The following MAD1L1 variants were observed in gnomAD, a reference collection of about 807,000 sequenced individuals.
MAD1L1 encodes the protein mitotic spindle assembly checkpoint protein MAD1.
Under a neutral mutation model 96.9 loss-of-function variants are expected in MAD1L1, and 95 were observed. The ratio of observed to expected loss-of-function variants is 0.98; its 90% confidence interval spans 0.83 to 1.16. MAD1L1 has a LOEUF of 1.16. MAD1L1 is among the 50% of genes most tolerant of loss of function. The probability of loss-of-function intolerance (pLI) is 0.00; values close to 1 mark genes in which losing one functional copy is unlikely to be tolerated. For missense variants in MAD1L1, 1,007 were observed against 954.4 expected (o/e 1.06, Z -0.73); for synonymous variants, 473 against 396.6 (o/e 1.19, Z -2.29).
At chr7:1,971,715 C>T (rs1315585423) in intron 15 of MAD1L1, among the ~76,000 whole-genome samples, 1 of 152,046 alleles carries the variant, frequency 6.6e-6, no homozygotes, top group East Asian at 1.9e-4. Context: ...GGCACAGCAT[C>T]AAATAGCCTT....
At chr7:1,942,528 G>A (rs1779049502) in intron 16 of MAD1L1, among the ~76,000 whole-genome samples, 1 of 152,198 alleles carries the variant, frequency 6.6e-6, no homozygotes, top group Non-Finnish European at 1.5e-5. Flanking sequence ...CCGAGTGTCG[G>A]GATGGGAGGA....
intron 12 of MAD1L1, among the ~76,000 whole-genome samples, chr7:2,037,402 AC>A (rs1783488480): frequency 6.6e-6 from 1 of 152,204 alleles, no homozygotes; most frequent in South Asian, 2.1e-4. Flanking sequence ...TGTGCTTCTT[AC>A]AAATGGAAGG....
chr7:2,149,535 G>A (rs1789468003), intron 10 of MAD1L1, among the ~76,000 whole-genome samples: 2 of 152,192 alleles, frequency 1.3e-5, no homozygotes, highest in Admixed American at 1.3e-4. Context: ...ACGAAATCAT[G>A]TTTAAAAAGC....
At chr7:2,060,666 C>T (rs1486840795) in intron 12 of MAD1L1, among the ~76,000 whole-genome samples, 3 of 152,208 alleles carry the variant, frequency 2.0e-5, no homozygotes, top group Admixed American at 6.5e-5. Context: ...CTGAAGTGGA[C>T]GGCCACGAGG....
chr7:1,818,401 T>TA (rs1781940253), intron 18 of MAD1L1, among the ~76,000 whole-genome samples: 3 of 151,742 alleles, frequency 2.0e-5, no homozygotes, highest in Admixed American at 1.3e-4. Context: ...TATTTTTTTT[T>TA]AGAGACGAGT....
intron 12 of MAD1L1, among the ~76,000 whole-genome samples, chr7:2,045,815 C>A (rs1450790108): frequency 6.6e-6 from 1 of 152,174 alleles, no homozygotes; most frequent in Non-Finnish European, 1.5e-5. Context: ...CTTCAGGGCC[C>A]GTCCCAGGCC....
At chr7:2,211,806 A>C (rs1334092705) in intron 10 of MAD1L1, among the ~76,000 whole-genome samples, 1 of 152,242 alleles carries the variant, frequency 6.6e-6, no homozygotes, top group African/African-American at 2.4e-5. Flanking sequence ...TGAGAAGGTA[A>C]TGGATTCCAG....
At chr7:2,025,266 G>A (rs912867803) in intron 12 of MAD1L1, among the ~76,000 whole-genome samples, 2 of 152,148 alleles carry the variant, frequency 1.3e-5, no homozygotes, top group Non-Finnish European at 2.9e-5. Flanking sequence ...GCCAAAAAGA[G>A]AACAATCAAA....
intron 18 of MAD1L1, chr7:1,817,648 G>T (rs1562420958): frequency 6.6e-6 from 1 of 152,266 alleles, no homozygotes; most frequent in Non-Finnish European, 1.5e-5. Flanking sequence ...GCTGCGCACT[G>T]AATGTGCCGG....
intron 13 of MAD1L1, 120 bp downstream of exon 13, chr7:2,014,382 G>A (rs922145441): frequency 6.8e-6 from 9 of 1,329,694 alleles, no homozygotes; most frequent in Non-Finnish European, 9.0e-6. Context: ...ACAGACACCT[G>A]CCAGCCGGGA....
chr7:2,066,864 A>G (rs1784898796), intron 12 of MAD1L1, among the ~76,000 whole-genome samples: 1 of 152,254 alleles, frequency 6.6e-6, no homozygotes, highest in African/African-American at 2.4e-5. Context: ...AAGAACACTC[A>G]GGCCCACACG....
chr7:1,840,844 GC>G (rs1783213368), intron 18 of MAD1L1, among the ~76,000 whole-genome samples: 1 of 152,226 alleles, frequency 6.6e-6, no homozygotes, highest in Non-Finnish European at 1.5e-5. Context: ...GCCTCCCTCT[GC>G]CCAATGTCAC....
At chr7:1,996,770 T>C (rs939222127) in intron 14 of MAD1L1, among the ~76,000 whole-genome samples, 3 of 152,184 alleles carry the variant, frequency 2.0e-5, no homozygotes, top group African/African-American at 7.2e-5. Context: ...AAGATGCTGC[T>C]TAATCAGAGC....
chr7:1,965,006 C>G (rs780914615), intron 15 of MAD1L1, among the ~76,000 whole-genome samples: 3 of 152,224 alleles, frequency 2.0e-5, no homozygotes, highest in Non-Finnish European at 4.4e-5. Flanking sequence ...GCCCGCCAGC[C>G]CCTCCCCAGT....
Position 1,824,242 on chromosome 7 carries a change from G to A in MAD1L1, c.1999-8014C>T, listed in dbSNP as rs916114424. Among the ~76,000 whole-genome samples, 5 of 152,200 alleles carry A rather than the reference G, an allele frequency of 3.3e-5. 1 individual carries two copies. Among genetic ancestry groups the A allele is most frequent in the Non-Finnish European group, 5.9e-5 (4 of 68,046 alleles). ...CCTCTTACACCACCTGCTTGTGCGG[G>A]CCTGGTGGCAGAGCTGCCGACATCG... On this transcript the variant is annotated intron_variant, in intron 18 of 18. Coordinates refer to ENST00000265854, the MANE Select transcript of MAD1L1 (RefSeq NM_001013836.2).
At chr7:2,109,446 A>T (rs1463389216) in intron 11 of MAD1L1, 1 of 152,158 alleles carries the variant, frequency 6.6e-6, no homozygotes, top group South Asian at 2.1e-4. Flanking sequence ...GGCCCCAAGG[A>T]CTCTGTCATT....
rs537438716 is a variant in MAD1L1 at position 2,114,082 on chromosome 7, A to G, written c.1073+35070T>C. The stretch of plus-strand genomic sequence containing the variant: ...CTGCACCCAGGCCTTACAGCTTCTG[A>G]TAACTGTACACGGGCTCACAAGACG... On this transcript the variant is annotated intron_variant, in intron 11 of 18. Transcript: ENST00000265854. The surrounding 1 kb of genome is among the most constrained non-coding windows in gnomAD (Gnocchi z 4.2). 1.3e-5 allele frequency among the ~76,000 whole-genome samples: 2 copies of G among 152,332 alleles called. No homozygotes were observed. The highest frequency in any genetic ancestry group is 2.1e-4 in the South Asian group (1 of 4,832).
chr7:2,213,909 C>T (rs1793119046), intron 9 of MAD1L1, among the ~76,000 whole-genome samples: 2 of 152,254 alleles, frequency 1.3e-5, no homozygotes, highest in Admixed American at 1.3e-4. Flanking sequence ...AGGGCAGGGA[C>T]TCTGTGCCTT....
At chr7:2,158,591 A>T (rs917334444) in intron 10 of MAD1L1, among the ~76,000 whole-genome samples, 1 of 152,242 alleles carries the variant, frequency 6.6e-6, no homozygotes, top group Non-Finnish European at 1.5e-5. Context: ...AATAAAATAC[A>T]TTAGACAGCA....
Sources: gnomAD v4.1 joint callset for allele counts (sites outside exome capture counted in the v4.1 genomes callset) on GRCh38, gnomAD v4.1.1 for gene constraint, Gnocchi (gnomAD v3.1) non-coding constraint, MANE v1.5 for transcripts, NCBI Gene and HGNC (gene_info 2026-07-23, HGNC 2026-07-21) for gene names.